The following NRG1 variants were observed in gnomAD, a reference collection of about 807,000 sequenced individuals.
NRG1 encodes the protein neuregulin 1.
Under a neutral mutation model 63.8 loss-of-function variants are expected in NRG1, and 18 were observed. The observed-to-expected ratio is 0.28, with a 90% CI of 0.19 to 0.42. NRG1 has a LOEUF of 0.42. NRG1 is among the 10% of genes least tolerant of loss of function. NRG1 has a pLI of 1.00. For missense variants in NRG1, 762 were observed against 814.7 expected (o/e 0.94, Z 0.79); for synonymous variants, 302 against 301.3 (o/e 1.00, Z -0.02).
At chr8:32,515,436 T>A (rs1456885666) in intron 1 of NRG1, among the ~76,000 whole-genome samples, 1 of 148,096 alleles carries the variant, frequency 6.8e-6, no homozygotes, top group Non-Finnish European at 1.5e-5. Flanking sequence ...TCATGTCCTT[T>A]GCCCAGTTTT....
In NRG1 at chr8:32,687,701, T is replaced by C. The variant is rs140353684; in HGVS notation, c.503-40248T>C. Among the ~76,000 whole-genome samples, 9 of 152,298 alleles carry C rather than the reference T, an allele frequency of 5.9e-5. No homozygotes were observed. In the East Asian group the frequency reaches 1.5e-3, roughly 26 times the overall value. ...AGGTCCAAACCACAAGCTGTTCTTG[T>C]AAAAGATAGAGTAAATGGTTACATC... On this transcript the variant is annotated intron_variant, in intron 5 of 11. Transcript: ENST00000356819.
At chr8:32,083,439 C>T (rs1331054871) in intron 1 of NRG1, among the ~76,000 whole-genome samples, 2 of 152,058 alleles carry the variant, frequency 1.3e-5, no homozygotes, top group African/African-American at 2.4e-5. Context: ...TGGGACATAT[C>T]AATACAATAG....
At chr8:32,379,214 A>T (rs1810029694) in intron 1 of NRG1, among the ~76,000 whole-genome samples, 1 of 152,108 alleles carries the variant, frequency 6.6e-6, no homozygotes, top group Non-Finnish European at 1.5e-5. Context: ...AAGAGACTAT[A>T]AAAAAACACT....
chr8:32,416,724 G>A (rs1815972350), intron 1 of NRG1, among the ~76,000 whole-genome samples: 1 of 152,088 alleles, frequency 6.6e-6, no homozygotes, highest in Admixed American at 6.6e-5. Flanking sequence ...GTCTGGCTGT[G>A]TTGCCCAGGC....
intron 1 of NRG1, among the ~76,000 whole-genome samples, chr8:32,040,713 TATATATATA>T (rs1819826066): frequency 5.0e-4 from 1 of 2,018 alleles, no homozygotes; most frequent in Admixed American, 0.012. Flanking sequence ...AATTTAGGCA[TATATATATA>T]TATATATATA....
intron 1 of NRG1, among the ~76,000 whole-genome samples, chr8:31,962,799 A>AT (rs36091913): frequency 6.6e-5 from 10 of 152,102 alleles, no homozygotes; most frequent in Non-Finnish European, 1.5e-4. Context: ...GAAAGGAGCC[A>AT]TTTTTTTAGA....
At chr8:32,167,808 G>A (rs944206052) in intron 1 of NRG1, among the ~76,000 whole-genome samples, 1 of 152,236 alleles carries the variant, frequency 6.6e-6, no homozygotes, top group Non-Finnish European at 1.5e-5. Context: ...AACAGAATGT[G>A]TCTTCAGTGG....
intron 1 of NRG1, among the ~76,000 whole-genome samples, chr8:32,005,537 C>T (rs1441711180): frequency 6.6e-6 from 1 of 151,928 alleles, no homozygotes; most frequent in African/African-American, 2.4e-5. Flanking sequence ...TTAAGAACCT[C>T]ATATAACTAC....
chr8:31,857,232 G>A (rs1351512729), intron 1 of NRG1, among the ~76,000 whole-genome samples: 2 of 152,228 alleles, frequency 1.3e-5, no homozygotes, highest in African/African-American at 4.8e-5. Flanking sequence ...CTTGCAGTTT[G>A]ATCTCAGACT....
At chr8:32,442,830 T>A (rs1233857975) in intron 1 of NRG1, 1 of 152,178 alleles carries the variant, frequency 6.6e-6, no homozygotes, top group Non-Finnish European at 1.5e-5. Context: ...GGTGGTGGAT[T>A]CCAAACTTGG....
intron 1 of NRG1, among the ~76,000 whole-genome samples, chr8:31,871,018 T>TG (rs1829432323): frequency 6.6e-6 from 1 of 151,976 alleles, no homozygotes; most frequent in Non-Finnish European, 1.5e-5. Context: ...TTTTTTTTTT[T>TG]TTGAGACGGA....
At chr8:31,743,537 A>AT (rs1815517495) in intron 1 of NRG1, among the ~76,000 whole-genome samples, 1 of 151,536 alleles carries the variant, frequency 6.6e-6, no homozygotes, top group African/African-American at 2.4e-5. Context: ...ATAAATGGTA[A>AT]TTTTTTCTAT....
intron 7 of NRG1, chr8:32,748,869 C>G (rs1289117082): frequency 1.0e-5 from 3 of 289,396 alleles, no homozygotes; most frequent in African/African-American, 7.0e-5. Context: ...GTGTCCCAAG[C>G]CCCTGTTTGG....
At chr8:32,439,037 TA>T (rs1326486091) in intron 1 of NRG1, among the ~76,000 whole-genome samples, 1 of 152,146 alleles carries the variant, frequency 6.6e-6, no homozygotes, top group African/African-American at 2.4e-5. Flanking sequence ...TTAATTTTGA[TA>T]AAAATAACTT....
chr8:32,154,079 C>G (rs941636182), intron 1 of NRG1, among the ~76,000 whole-genome samples: 5 of 152,156 alleles, frequency 3.3e-5, no homozygotes, highest in African/African-American at 1.2e-4. Flanking sequence ...CTCTTCTCCA[C>G]TTCATTTTTC....
chr8:31,731,506 G>A (rs183852060), intron 1 of NRG1, among the ~76,000 whole-genome samples: 2 of 151,392 alleles, frequency 1.3e-5, no homozygotes, highest in Admixed American at 1.3e-4. Context: ...AGAGATATAA[G>A]TATACACATT....
intron 1 of NRG1, among the ~76,000 whole-genome samples, chr8:32,128,915 C>T (rs1351525712): frequency 2.0e-5 from 3 of 151,846 alleles, no homozygotes; most frequent in Non-Finnish European, 4.4e-5. Context: ...ATGTGGTTTT[C>T]TCTGTCTGAA....
chr8:31,707,385 G>T (rs919679716), intron 1 of NRG1, among the ~76,000 whole-genome samples: 1 of 151,990 alleles, frequency 6.6e-6, no homozygotes, highest in Non-Finnish European at 1.5e-5. Flanking sequence ...AGTATTCAGG[G>T]ACTATATGTT....
chr8:32,322,661 G>A (rs1801551755), intron 1 of NRG1, among the ~76,000 whole-genome samples: 1 of 151,974 alleles, frequency 6.6e-6, no homozygotes, highest in Non-Finnish European at 1.5e-5. Flanking sequence ...GGCTCTTGTG[G>A]TGATCATTAT....
Sources: allele counts gnomAD v4.1 joint callset (sites outside exome capture counted in the v4.1 genomes callset), GRCh38; gene constraint gnomAD v4.1.1; transcripts MANE v1.5; gene names NCBI Gene and HGNC (gene_info 2026-07-23, HGNC 2026-07-21).